PPP2R2C: variants seen among roughly 807,000 people sequenced by gnomAD.
PPP2R2C encodes the protein protein phosphatase 2, regulatory subunit B, gamma.
A neutral mutation model predicts 45.3 loss-of-function variants in PPP2R2C; 10 were observed. The ratio of observed to expected loss-of-function variants is 0.22; its 90% CI spans 0.14 to 0.37. The LOEUF (loss-of-function observed/expected upper bound fraction) is 0.37. Among genes scored for constraint, PPP2R2C ranks in the 10% least tolerant of loss-of-function variants. The pLI, the probability that PPP2R2C is intolerant of heterozygous loss-of-function variation, is 1.00. For synonymous variants in PPP2R2C, 257 were observed against 245.4 expected, an observed-to-expected ratio of 1.05 and a Z score of -0.44; for missense variants, 308 against 619.7, an observed-to-expected ratio of 0.50 and a Z score of 5.34.
At chr4:6,382,233 G>A (rs981465288) in intron 1 of PPP2R2C, 1 of 1,210,548 alleles carries the variant, frequency 8.3e-7, no homozygotes, top group African/African-American at 1.6e-5. Flanking sequence ...GCTAGTAGGA[G>A]CCCGGGATGG....
intron 1 of PPP2R2C, among the ~76,000 whole-genome samples, chr4:6,408,378 A>G (rs1717939642): frequency 1.3e-5 from 2 of 152,070 alleles, no homozygotes; most frequent in Admixed American, 1.3e-4. Context: ...GCATGATCAC[A>G]TCCCCATGCT....
At chr4:6,403,371 T>C (rs6414629) in intron 1 of PPP2R2C, among the ~76,000 whole-genome samples, 104,566 of 152,082 alleles carry the variant, frequency 0.69, 37,462 homozygotes, top group East Asian at 0.97. Context: ...CCTCGCTTCC[T>C]GCCCCCTAGG....
chr4:6,493,619 T>C (rs993675373), intron 2 of PPP2R2C, among the ~76,000 whole-genome samples: 4 of 150,758 alleles, frequency 2.7e-5, no homozygotes, highest in African/African-American at 9.8e-5. Context: ...GAAAGATAAA[T>C]TTATGCCAGT....
intron 2 of PPP2R2C, among the ~76,000 whole-genome samples, chr4:6,508,538 A>G (rs7671264): frequency 0.037 from 5,626 of 152,136 alleles, 120 homozygotes; most frequent in African/African-American, 0.062. Flanking sequence ...GCAGTGAGCC[A>G]AGATCGTGCC....
intron 6 of PPP2R2C, among the ~76,000 whole-genome samples, chr4:6,342,681 A>C (rs956337642): frequency 6.6e-6 from 1 of 152,214 alleles, no homozygotes; most frequent in African/African-American, 2.4e-5. Flanking sequence ...CATAAGCAGA[A>C]GTAACTGTCT....
At chr4:6,418,501 A>C (rs912219922) in intron 1 of PPP2R2C, among the ~76,000 whole-genome samples, 1 of 152,166 alleles carries the variant, frequency 6.6e-6, no homozygotes, top group East Asian at 1.9e-4. Flanking sequence ...CTCTTCTCTA[A>C]ACTCCTGCAT....
intron 1 of PPP2R2C, among the ~76,000 whole-genome samples, chr4:6,410,989 C>T (rs1490431353): frequency 6.6e-6 from 1 of 151,988 alleles, no homozygotes; most frequent in African/African-American, 2.4e-5. Flanking sequence ...CCCACCTCAG[C>T]CCCACCAAGT....
At chr4:6,370,191 C>CAT (rs1714684624) in intron 5 of PPP2R2C, among the ~76,000 whole-genome samples, 1 of 152,214 alleles carries the variant, frequency 6.6e-6, no homozygotes. Flanking sequence ...CATGGAGGCC[C>CAT]GAGCATGAGC....
intron 2 of PPP2R2C, among the ~76,000 whole-genome samples, chr4:6,505,349 G>A (rs1723188458): frequency 6.6e-6 from 1 of 152,120 alleles, no homozygotes; most frequent in African/African-American, 2.4e-5. Context: ...AAGCAATGAA[G>A]AACACTGGAA....
chr4:6,405,837 G>A (rs1375163612), intron 1 of PPP2R2C, among the ~76,000 whole-genome samples: 9 of 152,128 alleles, frequency 5.9e-5, no homozygotes, highest in Non-Finnish European at 8.8e-5. Context: ...GAACGGCTTC[G>A]CGGAGGGGCA....
At chr4:6,560,337 A>G (rs1725535855) in intron 1 of PPP2R2C, among the ~76,000 whole-genome samples, 1 of 152,238 alleles carries the variant, frequency 6.6e-6, no homozygotes. Context: ...CTGGCAAATG[A>G]AAAAAATAAG....
intron 1 of PPP2R2C, among the ~76,000 whole-genome samples, chr4:6,411,691 T>C (rs2109369982): frequency 6.6e-6 from 1 of 152,234 alleles, no homozygotes; most frequent in South Asian, 2.1e-4. Flanking sequence ...TAGCTGGGAC[T>C]ACAGGCGCCC....
chr4:6,519,907 G>A (rs945852921), intron 2 of PPP2R2C, among the ~76,000 whole-genome samples: 2 of 109,508 alleles, frequency 1.8e-5, no homozygotes, highest in African/African-American at 7.2e-5. Context: ...TTGCAGTCAG[G>A]TAACCAGAAG....
At chr4:6,404,378 C>T (rs1440557924) in intron 1 of PPP2R2C, among the ~76,000 whole-genome samples, 1 of 152,188 alleles carries the variant, frequency 6.6e-6, no homozygotes, top group Non-Finnish European at 1.5e-5. Flanking sequence ...GCAGATACTC[C>T]TACCCTATCT....
intron 2 of PPP2R2C, among the ~76,000 whole-genome samples, chr4:6,509,344 C>T (rs918761897): frequency 2.0e-5 from 3 of 152,144 alleles, no homozygotes; most frequent in African/African-American, 7.2e-5. Context: ...CCATAACCCT[C>T]CACCCACAGA....
intron 1 of PPP2R2C, among the ~76,000 whole-genome samples, chr4:6,415,012 A>C (rs1441283235): frequency 1.3e-5 from 2 of 152,220 alleles, no homozygotes; most frequent in African/African-American, 4.8e-5. Flanking sequence ...CACGACAGGA[A>C]GGGATGGTGT....
At chr4:6,393,580 C>A (rs536709689) in intron 1 of PPP2R2C, among the ~76,000 whole-genome samples, 3 of 152,344 alleles carry the variant, frequency 2.0e-5, no homozygotes, top group Admixed American at 2.0e-4. Flanking sequence ...GCCTCCAACC[C>A]GTGTCTGCAC....
At position 6,486,203 on chromosome 4, in the gene PPP2R2C, T is replaced by C. The variant is rs113826364; in HGVS notation, c.49+49068A>G. ...TGGAGATTTTCCAGAGCTCTTTCTG[T>C]TACTGATTTCTAATTTAATTCTATT... On this transcript the variant is annotated intron_variant, in intron 2 of 9. Coordinates refer to the PPP2R2C transcript ENST00000506140. Among the ~76,000 whole-genome samples the C allele has an allele frequency of 4.3e-3, 647 of 152,188 alleles. 4 individuals carry two copies. The highest frequency in any genetic ancestry group is 0.014 in the African/African-American group (596 of 41,570).
rs116981814 is a variant in PPP2R2C at position 6,365,192 on chromosome 4, A to G, written c.625+7331T>C. Among the ~76,000 whole-genome samples the G allele has an allele frequency of 2.3e-4, 35 of 152,320 alleles. No homozygotes were observed. In the East Asian group the frequency reaches 5.4e-3, roughly 24 times the overall value. On this transcript the variant is annotated intron_variant, in intron 5 of 8. Coordinates refer to ENST00000382599, the MANE Select transcript of PPP2R2C (RefSeq NM_020416.4). ...TCAACACAGAGAAGACTCTCGGCCA[A>G]TGCTGCTGAATCAACCAATGAATGC...
Sources: allele counts gnomAD v4.1 joint callset (sites outside exome capture counted in the v4.1 genomes callset), GRCh38; gene constraint gnomAD v4.1.1; transcripts MANE v1.5; gene names NCBI Gene and HGNC (gene_info 2026-07-23, HGNC 2026-07-21).